AGAP2: variants seen among roughly 807,000 people sequenced by gnomAD.
AGAP2 encodes arf-GAP with GTPase, ANK repeat and PH domain-containing protein 2.
Under a neutral mutation model 110.9 loss-of-function variants are expected in AGAP2, and 32 were observed. The ratio of observed to expected loss-of-function variants is 0.29; its 90% CI spans 0.22 to 0.39. AGAP2 has a LOEUF of 0.39. Ranked by LOEUF, AGAP2 falls within the 10% of genes least tolerant of loss-of-function variation. The probability of loss-of-function intolerance (pLI) is 1.00; values close to 1 mark genes in which losing one functional copy is unlikely to be tolerated. For synonymous variants in AGAP2, 702 were observed against 713.0 expected, an observed-to-expected ratio of 0.98 and a Z score of 0.25; for missense variants, 1,285 against 1,638.5, an observed-to-expected ratio of 0.78 and a Z score of 3.72.
chr12:57,737,823 G>T lies in AGAP2; in HGVS notation c.424C>A (p.Arg142Ser). Residue 142 changes from arginine (R) to serine (S), a missense_variant, in exon 1 of 19, where the codon CGC becomes AGC. By Grantham distance (110) the Arg-to-Ser change is moderately radical. Transcript: ENST00000547588. This position sits in a 1 kb window ranked among gnomAD's most constrained non-coding sequence, Gnocchi z 5.9. ...KPGGAPTSSR[R>S]PLLSSPSWGG... is the part of the protein sequence containing the mutation. Reference sequence around the variant, plus strand: ...CAGCTCGGGCTGCTGAGCAGGGGGCGCCGGGAGGAGGTGGGGGCGCCCCCA... The same window carrying T: ...CAGCTCGGGCTGCTGAGCAGGGGGCTCCGGGAGGAGGTGGGGGCGCCCCCA... 1 of 1,494,602 alleles carries T rather than the reference G, an allele frequency of 6.7e-7. No homozygotes were observed. Among genetic ancestry groups the T allele is most frequent in the African/African-American group, 1.4e-5 (1 of 69,550 alleles). The allele number at this position is 1,494,602 out of a possible 1,614,324, so 92.6% of individuals were successfully genotyped here. A position where few individuals can be genotyped will look rare whatever the true frequency, so the allele number is the denominator to read the frequency against.
In AGAP2 at chr12:57,737,413, G is replaced by A; in HGVS notation, c.834C>T (p.Asn278=). The A allele has an allele frequency of 6.2e-7, 1 of 1,613,844 alleles. No homozygotes were observed. Among genetic ancestry groups the A allele is most frequent in the South Asian group, 1.1e-5 (1 of 91,086 alleles). ...CAGGCGGTCCCGGATGCAAGTCACT[G>A]TTGTCCAAGGTCTTACTCTTGCCTT... is the stretch of plus-strand genomic sequence containing the variant. ...PRKGKSKTLD[N]SDLHPGPPAG... is the part of the protein sequence containing the mutation. The change falls in exon 1 of 19, where the codon AAC becomes AAT. Residue 278 remains asparagine, a synonymous_variant. Transcript: ENST00000547588. This position sits in a 1 kb window ranked among gnomAD's most constrained non-coding sequence, Gnocchi z 5.9.
intron 7 of AGAP2, 21 bp from the exon 8 acceptor site, chr12:57,731,988 C>T (rs1012124565): frequency 1.2e-6 from 2 of 1,611,288 alleles, no homozygotes; most frequent in Admixed American, 3.3e-5. Context: ...ATGGAAGAGT[C>T]AGCAGAGCTG....
At position 57,727,427 on chromosome 12, in the gene AGAP2, C is replaced by T. The variant is rs776711795; in HGVS notation, c.3013G>A (p.Asp1005Asn). 1.2e-6 allele frequency: 2 copies of T among 1,613,652 alleles called. No individual in the cohort carries two copies. The highest frequency in any genetic ancestry group is 2.2e-5 in the East Asian group (1 of 44,872). ...LTLVLTAIGN[D>N]TANRVWESDT... is the part of the protein sequence containing the mutation. ...CTTTCCCACACGCGGTTGGCCGTGT[C>T]GTTGCCAATAGCCGTCAGCACCAGG... Residue 1005 changes from aspartate to asparagine, a missense_variant, in exon 17 of 19, where the codon GAC becomes AAC. Around this residue, in one of 7 missense-constraint regions of AGAP2, gnomAD observed 201 missense variants for 276.1 expected, o/e 0.73. Transcript: ENST00000547588.
chr12:57,733,105 C>A, intron 5 of AGAP2, 126 bp from the exon 6 acceptor site: 2 of 1,259,948 alleles, frequency 1.6e-6, no homozygotes, highest in Non-Finnish European at 2.2e-6. Flanking sequence ...GAGAGATCAT[C>A]TTTTCTGTGA....
chr12:57,727,930 C>T lies in AGAP2; in HGVS notation c.2766+7G>A, dbSNP rs1444119849. ...GGCCAGTCCTCCACTCCACCTCAAACTCTTACCTTGACCTTGCTGCTCTCA... is the reference window on the plus strand; with the variant it reads ...GGCCAGTCCTCCACTCCACCTCAAATTCTTACCTTGACCTTGCTGCTCTCA... On this transcript the variant is annotated splice_region_variant and intron_variant, in intron 15 of 18. Coordinates refer to ENST00000547588, the MANE Select transcript of AGAP2 (RefSeq NM_001122772.3). 2 of 1,613,900 alleles carry T rather than the reference C, an allele frequency of 1.2e-6. No homozygotes were observed. The highest frequency in any genetic ancestry group is 1.7e-6 in the Non-Finnish European group (2 of 1,179,962).
In AGAP2 at chr12:57,726,632, T is replaced by TGCTGGGCGTGGTGGCCGC. The variant is rs772987826; in HGVS notation, c.3481_3498dup (p.Ala1161_Ser1166dup). 4.3e-5 allele frequency: 52 copies of TGCTGGGCGTGGTGGCCGC among 1,200,226 alleles called. No individual in the cohort carries two copies. The highest frequency in any genetic ancestry group is 1.6e-4 in the South Asian group (4 of 25,018). 74.3% of individuals were successfully genotyped at this position (1,200,226 alleles called of 1,614,324 possible). A position where few individuals can be genotyped will look rare whatever the true frequency, so the allele number is the denominator to read the frequency against. On this transcript the variant is annotated inframe_insertion, in exon 19 of 19. Transcript: ENST00000547588. The surrounding 1 kb of genome is among the most constrained non-coding windows in gnomAD (Gnocchi z 5.7). ...CGGCGGGGGCTGGGCGTGGCGGTGATGCTGGGCGTGGTGGCCGCGCTGGGC... is the reference window on the plus strand; with the variant it reads ...CGGCGGGGGCTGGGCGTGGCGGTGATGCTGGGCGTGGTGGCCGCGCTGGGCGTGGTGGCCGCGCTGGGC...
chr12:57,727,356 T>C lies in AGAP2; in HGVS notation c.3080+4A>G. On this transcript the variant is annotated splice_donor_region_variant and intron_variant, in intron 17 of 18. Transcript: ENST00000547588. ...CTCCCCCCGCTCTGTTCCCTCACGC[T>C]TACCGCGAAGAGTCCCGCGAGGGCT... is the stretch of plus-strand genomic sequence containing the variant. 6.2e-7 allele frequency: 1 copy of C among 1,609,140 alleles called. No homozygotes were observed. Among genetic ancestry groups the C allele is most frequent in the Non-Finnish European group, 8.5e-7 (1 of 1,178,090 alleles).
rs1208905862 is a variant in AGAP2 at position 57,738,696 on chromosome 12, C to A, written c.-450G>T. Among the ~76,000 whole-genome samples, 1 of 150,684 alleles carries A rather than the reference C, an allele frequency of 6.6e-6. No homozygotes were observed. The highest frequency in any genetic ancestry group is 1.5e-5 in the Non-Finnish European group (1 of 67,708). On this transcript the variant is annotated 5_prime_UTR_variant, in exon 1 of 19. Coordinates refer to ENST00000547588, the MANE Select transcript of AGAP2 (RefSeq NM_001122772.3). This position sits in a 1 kb window ranked among gnomAD's most constrained non-coding sequence, Gnocchi z 6.7. The stretch of plus-strand genomic sequence containing the variant: ...GAATTGGGACTCAAGGGACAGGGGC[C>A]GCGGATGCGGTCGGAAAGAGGGTCT...
chr12:57,740,327 C>T (rs1955062687), upstream of AGAP2, among the ~76,000 whole-genome samples: 2 of 152,132 alleles, frequency 1.3e-5, no homozygotes, highest in Admixed American at 1.3e-4. Flanking sequence ...TCCCTCCCTA[C>T]AGAACCAAGA....
At chr12:57,727,250 G>A (rs1455472392) in intron 17 of AGAP2, 21 bp from the exon 18 acceptor site, 1 of 1,612,548 alleles carries the variant, frequency 6.2e-7, no homozygotes, top group Non-Finnish European at 8.5e-7. Flanking sequence ...AGGGATCAAC[G>A]GAAAAGGCTC....
chr12:57,726,829 C>T lies in AGAP2; in HGVS notation c.3337-35G>A, dbSNP rs1431267052. 18 of 1,432,454 alleles carry T rather than the reference C, an allele frequency of 1.3e-5. No individual in the cohort carries two copies. The highest frequency in any genetic ancestry group is 1.4e-5 in the African/African-American group (1 of 69,324). The allele number at this position is 1,432,454 out of a possible 1,614,324, so 88.7% of individuals were successfully genotyped here. ...GGAAACGGCCGCGTGACCGCGCGTC[C>T]CCAGGGCGCCCACACCCGGCGCCGC... On this transcript the variant is annotated intron_variant, in intron 18 of 18. Transcript: ENST00000547588. The surrounding 1 kb of genome is among the most constrained non-coding windows in gnomAD (Gnocchi z 5.7).
At position 57,732,474 on chromosome 12, in the gene AGAP2, G is replaced by T. The variant is rs1191961792; in HGVS notation, c.1723C>A (p.Leu575Ile). Residue 575 changes from leucine (L) to isoleucine (I), a missense_variant, in exon 7 of 19, where the codon CTT becomes ATT. Around this residue, in one of 7 missense-constraint regions of AGAP2, gnomAD observed 844 missense variants for 941.2 expected, o/e 0.90. Transcript: ENST00000547588. ...GGCAGGGACTTGCAGGCAGCCAGAA[G>T]CTGTTGCTGCTTGCGCAAGGTCACC... ...KVVTLRKQQQ[L>I]LAACKSLPSS... 1 of 1,595,290 alleles carries T rather than the reference G, an allele frequency of 6.3e-7. No homozygotes were observed. The highest frequency in any genetic ancestry group is 1.7e-5 in the Admixed American group (1 of 57,414).
In AGAP2 at chr12:57,730,965, C is replaced by T. The variant is rs1264893946; in HGVS notation, c.2146-12G>A. On this transcript the variant is annotated splice_polypyrimidine_tract_variant and intron_variant, in intron 10 of 18. Transcript: ENST00000547588. Reference sequence around the variant, plus strand: ...CTGTGGATGTAATCCTGGAGGGGTACAGGGCCGAGAGTGTAGGGAAGGTTG... The same window carrying T: ...CTGTGGATGTAATCCTGGAGGGGTATAGGGCCGAGAGTGTAGGGAAGGTTG... 2.0e-6 allele frequency: 3 copies of T among 1,516,350 alleles called. No homozygotes were observed. Among genetic ancestry groups the T allele is most frequent in the African/African-American group, 1.4e-5 (1 of 72,816 alleles). The allele number at this position is 1,516,350 out of a possible 1,614,324, so 93.9% of individuals were successfully genotyped here. A position where few individuals can be genotyped will look rare whatever the true frequency, so the allele number is the denominator to read the frequency against.
chr12:57,730,763 C>G, intron 11 of AGAP2, 28 bp downstream of exon 11: 1 of 1,613,122 alleles, frequency 6.2e-7, no homozygotes, highest in Non-Finnish European at 8.5e-7. Flanking sequence ...GGCCCCTCTT[C>G]TGCTCCTATG....
rs1352248372 is a variant in AGAP2, at chr12:57,737,414, T to C, written c.833A>G (p.Asn278Ser). 1.2e-6 allele frequency: 2 copies of C among 1,613,682 alleles called. No individual in the cohort carries two copies. Among genetic ancestry groups the C allele is most frequent in the African/African-American group, 2.7e-5 (2 of 74,914 alleles). ...PRKGKSKTLD[N>S]SDLHPGPPAG... ...AGGCGGTCCCGGATGCAAGTCACTG[T>C]TGTCCAAGGTCTTACTCTTGCCTTT... Residue 278 changes from asparagine to serine, a missense_variant, in exon 1 of 19, where the codon AAC becomes AGC. By Grantham distance (46) the Asn-to-Ser change is conservative (BLOSUM62 1). This residue lies in a region of AGAP2 where 844 missense variants were observed against 941.2 expected (regional missense o/e 0.90). Transcript: ENST00000547588. This position sits in a 1 kb window ranked among gnomAD's most constrained non-coding sequence, Gnocchi z 5.9.
intron 7 of AGAP2, 122 bp downstream of exon 7, chr12:57,732,281 A>G (rs916526231): frequency 3.0e-5 from 29 of 955,790 alleles, no homozygotes; most frequent in Non-Finnish European, 4.4e-5. Context: ...CAATAGTTTC[A>G]CTGCCATTTC....
chr12:57,734,066 C>T lies in AGAP2; in HGVS notation c.1509G>A (p.Glu503=), dbSNP rs1954933934. ...GTGCCAAGGCCAGGCCTCCTCGTCC[C>T]TCCCCGCGAAGGGAACTCAGCTGCC... ...LHGQLSSLRG[E]GRGGLALALV... The change falls in exon 5 of 19, where the codon GAG becomes GAA. Residue 503 remains glutamate (E), a synonymous_variant. Transcript: ENST00000547588. 2 of 1,611,874 alleles carry T rather than the reference C, an allele frequency of 1.2e-6. No homozygotes were observed. The highest frequency in any genetic ancestry group is 1.7e-6 in the Non-Finnish European group (2 of 1,178,844).
upstream of AGAP2, chr12:57,739,590 C>G (rs938932408): frequency 6.6e-6 from 1 of 152,024 alleles, no homozygotes; most frequent in Non-Finnish European, 1.5e-5. Context: ...TAGACTGATA[C>G]CCCCCCATGC....
Position 57,738,009 on chromosome 12 carries a change from T to C in AGAP2, c.238A>G (p.Thr80Ala). The change falls in exon 1 of 19, where the codon ACG becomes GCG. Residue 80 changes from threonine to alanine, a missense_variant. Physicochemically the swap from Thr to Ala is moderately conservative, Grantham distance 58. Transcript: ENST00000547588. This position sits in a 1 kb window ranked among gnomAD's most constrained non-coding sequence, Gnocchi z 6.7. The stretch of plus-strand genomic sequence containing the variant: ...GCGCCCCCGGTGCCCGCGCTGCTCG[T>C]GCTGATCCACAGCGCATCCTGCCGG... ...FHRQDALWIS[T>A]SSAGTGGAEP... 1 of 1,505,420 alleles carries C rather than the reference T, an allele frequency of 6.6e-7. No homozygotes were observed. The highest frequency in any genetic ancestry group is 8.8e-7 in the Non-Finnish European group (1 of 1,133,142). The allele number at this position is 1,505,420 out of a possible 1,614,324, so 93.3% of individuals were successfully genotyped here. A position where few individuals can be genotyped will look rare whatever the true frequency, so the allele number is the denominator to read the frequency against.
Sources: gnomAD v4.1 joint callset for allele counts (sites outside exome capture counted in the v4.1 genomes callset) on GRCh38, gnomAD v4.1.1 for gene constraint, gnomAD v4.1.1 regional missense constraint, Gnocchi (gnomAD v3.1) non-coding constraint, MANE v1.5 for transcripts, NCBI Gene and HGNC (gene_info 2026-07-23, HGNC 2026-07-21) for gene names.